SOX5: variants seen among roughly 807,000 people sequenced by gnomAD.
SOX5 encodes transcription factor SOX-5.
In SOX5, 9 loss-of-function variants were observed where a neutral mutation model predicts 92.0. That is an observed-to-expected ratio of 0.10 (90% confidence interval 0.06 to 0.17). The LOEUF (loss-of-function observed/expected upper bound fraction) is 0.17. Ranked by LOEUF, SOX5 falls within the 10% of genes least tolerant of loss-of-function variation. The pLI is 1.00. For missense variants in SOX5, 642 were observed against 944.5 expected, an observed-to-expected ratio of 0.68 and a Z score of 4.20; for synonymous variants, 344 against 336.3, an observed-to-expected ratio of 1.02 and a Z score of -0.25.
chr12:23,561,803 T>C (rs1946251442), intron 11 of SOX5, among the ~76,000 whole-genome samples: 1 of 112,484 alleles, frequency 8.9e-6, no homozygotes, highest in Non-Finnish European at 1.9e-5. Context: ...TTGTCTCTGC[T>C]TTGGAGGATT....
intron 1 of SOX5, among the ~76,000 whole-genome samples, chr12:23,930,676 G>A (rs1357950316): frequency 6.6e-6 from 1 of 151,606 alleles, no homozygotes; most frequent in African/African-American, 2.4e-5. Context: ...TGTGAGGCAG[G>A]TACTATTATT....
At chr12:23,586,545 G>A (rs1175763438) in intron 9 of SOX5, among the ~76,000 whole-genome samples, 1 of 151,984 alleles carries the variant, frequency 6.6e-6, no homozygotes, top group African/African-American at 2.4e-5. Flanking sequence ...TGTCACTAAA[G>A]TGATTGATTC....
chr12:24,544,247 A>C (rs893470826), intron 1 of SOX5, among the ~76,000 whole-genome samples: 3 of 152,194 alleles, frequency 2.0e-5, no homozygotes, highest in Non-Finnish European at 4.4e-5. Flanking sequence ...AACTCGTCTG[A>C]GTTTTACCAG....
intron 4 of SOX5, among the ~76,000 whole-genome samples, chr12:24,075,031 G>T (rs1234540319): frequency 6.6e-6 from 1 of 151,750 alleles, no homozygotes; most frequent in East Asian, 1.9e-4. Flanking sequence ...GGAGGCAGAG[G>T]CAGGAGGACT....
chr12:23,901,095 G>A (rs947811826), intron 1 of SOX5, among the ~76,000 whole-genome samples: 3 of 152,140 alleles, frequency 2.0e-5, no homozygotes, highest in African/African-American at 7.2e-5. Flanking sequence ...ATTTGAAATG[G>A]GGAGATTATT....
intron 4 of SOX5, among the ~76,000 whole-genome samples, chr12:24,014,377 C>T (rs1953329743): frequency 6.6e-6 from 1 of 152,164 alleles, no homozygotes; most frequent in African/African-American, 2.4e-5. Context: ...GTGGGTTTAG[C>T]CAACCTGCCT....
intron 3 of SOX5, among the ~76,000 whole-genome samples, chr12:23,769,138 A>G (rs908950858): frequency 1.8e-4 from 27 of 152,168 alleles, no homozygotes; most frequent in African/African-American, 6.3e-4. Context: ...CTTATAGAGT[A>G]GCACCCTCAG....
chr12:24,486,551 T>A (rs960390989), intron 1 of SOX5, among the ~76,000 whole-genome samples: 4 of 152,174 alleles, frequency 2.6e-5, no homozygotes, highest in African/African-American at 9.7e-5. Flanking sequence ...AGGTACCTTG[T>A]CCCCTCTGGC....
intron 4 of SOX5, among the ~76,000 whole-genome samples, chr12:24,066,167 CA>C (rs1248220632): frequency 6.6e-6 from 1 of 152,002 alleles, no homozygotes; most frequent in Non-Finnish European, 1.5e-5. Context: ...ATAAATTTGA[CA>C]AAAAGATACA....
At position 23,947,155 on chromosome 12, in the gene SOX5, C is replaced by T. The variant is rs142001613; in HGVS notation, c.38+2409G>A. The stretch of plus-strand genomic sequence containing the variant: ...TAAAAATGATCACATAAAACTTTTA[C>T]AGTACATGAACCCTAAGCAATTTAT... On this transcript the variant is annotated intron_variant, in intron 1 of 14. Transcript: ENST00000451604. Among the ~76,000 whole-genome samples the T allele has an allele frequency of 2.0e-5, 3 of 152,030 alleles. No homozygotes were observed. The East Asian group carries it at 5.8e-4, about 29-fold the overall frequency.
intron 9 of SOX5, among the ~76,000 whole-genome samples, chr12:23,583,607 T>C (rs1203178872): frequency 6.6e-6 from 1 of 152,152 alleles, no homozygotes; most frequent in Non-Finnish European, 1.5e-5. Context: ...GGATGATTGC[T>C]GTTATCTTTT....
At chr12:24,466,169 C>G (rs1278775827) in intron 1 of SOX5, among the ~76,000 whole-genome samples, 1 of 151,836 alleles carries the variant, frequency 6.6e-6, no homozygotes, top group South Asian at 2.1e-4. Context: ...TCTGAGAAAG[C>G]CCTCAGTACT....
At chr12:24,145,235 AT>A (rs1950958202) in intron 4 of SOX5, among the ~76,000 whole-genome samples, 1 of 152,204 alleles carries the variant, frequency 6.6e-6, no homozygotes, top group African/African-American at 2.4e-5. Flanking sequence ...ATAAAATGTA[AT>A]TATAAAAAAA....
intron 1 of SOX5, among the ~76,000 whole-genome samples, chr12:24,394,486 G>A (rs1284090827): frequency 6.6e-6 from 1 of 152,152 alleles, no homozygotes; most frequent in African/African-American, 2.4e-5. Flanking sequence ...GGAGGAGCTG[G>A]CTGATGCAGG....
chr12:23,968,503 G>A (rs533525283), intron 4 of SOX5, among the ~76,000 whole-genome samples: 20 of 152,196 alleles, frequency 1.3e-4, no homozygotes, highest in African/African-American at 2.9e-4. Context: ...TTGTTATCAC[G>A]GGAGTGGGTT....
At chr12:23,979,900 G>A (rs1949376051) in intron 4 of SOX5, among the ~76,000 whole-genome samples, 1 of 140,380 alleles carries the variant, frequency 7.1e-6, no homozygotes, top group Non-Finnish European at 1.5e-5. Flanking sequence ...TGGCTGGCTG[G>A]CTGGCTGGCT....
At chr12:24,321,399 C>T (rs1950202200) in intron 2 of SOX5, among the ~76,000 whole-genome samples, 1 of 152,126 alleles carries the variant, frequency 6.6e-6, no homozygotes, top group Non-Finnish European at 1.5e-5. Context: ...CATTAAATAA[C>T]TGCAATTAAA....
At chr12:24,368,852 C>G (rs570737516) in intron 1 of SOX5, among the ~76,000 whole-genome samples, 2 of 152,132 alleles carry the variant, frequency 1.3e-5, no homozygotes, top group Admixed American at 1.3e-4. Context: ...AGAATAATTG[C>G]TTCTAAATGG....
At chr12:23,852,967 G>A (rs1055368777) in intron 2 of SOX5, among the ~76,000 whole-genome samples, 8 of 151,884 alleles carry the variant, frequency 5.3e-5, no homozygotes, top group Non-Finnish European at 1.0e-4. Context: ...GGAAAGGGGG[G>A]AATGATTAAA....
Sources: gnomAD v4.1 joint callset for allele counts (sites outside exome capture counted in the v4.1 genomes callset) on GRCh38, gnomAD v4.1.1 for gene constraint, MANE v1.5 for transcripts, NCBI Gene and HGNC (gene_info 2026-07-23, HGNC 2026-07-21) for gene names.